Variants in TDP1 observed in about 807,000 individuals in gnomAD.
The protein encoded by TDP1 is tyrosyl-DNA phosphodiesterase 1.
Under a neutral mutation model 81.5 loss-of-function variants are expected in TDP1, and 64 were observed. The observed-to-expected ratio is 0.79, with a 90% CI of 0.64 to 0.97. The LOEUF is 0.97. TDP1 is among the 50% of genes least tolerant of loss of function. The pLI, the probability that TDP1 is intolerant of heterozygous loss-of-function variation, is 0.00. For missense variants in TDP1, 723 were observed against 743.8 expected, an observed-to-expected ratio of 0.97 and a Z score of 0.33; for synonymous variants, 256 against 264.3, an observed-to-expected ratio of 0.97 and a Z score of 0.30.
chr14:90,033,810 T>A (rs1042327074), intron 16 of TDP1, among the ~76,000 whole-genome samples: 2 of 152,178 alleles, frequency 1.3e-5, no homozygotes, highest in Non-Finnish European at 2.9e-5. Context: ...ACACCTGTAA[T>A]CCCAGCACCC....
chr14:90,042,122 G>A (rs1298513018), intron 16 of TDP1, among the ~76,000 whole-genome samples: 1 of 152,092 alleles, frequency 6.6e-6, no homozygotes, highest in Admixed American at 6.5e-5. Flanking sequence ...TTCAGCATTG[G>A]TCTACAGTTA....
chr14:89,980,099 A>G (rs1208085755), intron 7 of TDP1: 4 of 931,992 alleles, frequency 4.3e-6, no homozygotes, highest in Admixed American at 6.2e-5. Flanking sequence ...TTCATGAACC[A>G]GTAATTAAAT....
intron 14 of TDP1, among the ~76,000 whole-genome samples, chr14:90,007,652 G>A (rs901889802): frequency 6.6e-6 from 1 of 152,040 alleles, no homozygotes; most frequent in African/African-American, 2.4e-5. Flanking sequence ...TTAAGGCAGA[G>A]TTTTGCTCTG....
intron 5 of TDP1, among the ~76,000 whole-genome samples, chr14:89,968,685 G>A (rs888229824): frequency 6.6e-6 from 1 of 152,200 alleles, no homozygotes; most frequent in East Asian, 1.9e-4. Flanking sequence ...TTTCTGCCTT[G>A]GCTCCTCCTC....
rs569571697 is a variant in TDP1, at chr14:90,026,534, A to G, written c.1645-6572A>G. On this transcript the variant is annotated intron_variant, in intron 15 of 16. Coordinates refer to ENST00000335725, the MANE Select transcript of TDP1 (RefSeq NM_018319.4). Reference sequence around the variant, plus strand: ...GTGCAGGTTTGTTACATATGTATACATGTGCCATGTTGGTGTGCTGCACCC... The same window carrying G: ...GTGCAGGTTTGTTACATATGTATACGTGTGCCATGTTGGTGTGCTGCACCC... Among the ~76,000 whole-genome samples the G allele has an allele frequency of 5.9e-5, 9 of 152,338 alleles. No individual in the cohort carries two copies. The East Asian group carries it at 1.4e-3, about 23-fold the overall frequency.
intron 6 of TDP1, among the ~76,000 whole-genome samples, chr14:89,972,277 G>A (rs1018695764): frequency 2.8e-5 from 3 of 108,062 alleles, no homozygotes; most frequent in African/African-American, 9.7e-5. Flanking sequence ...TTACTTGGCC[G>A]GAGCAAGAGG....
At chr14:90,006,639 C>T (rs1027693136) in intron 14 of TDP1, among the ~76,000 whole-genome samples, 9 of 151,958 alleles carry the variant, frequency 5.9e-5, no homozygotes, top group African/African-American at 9.7e-5. Flanking sequence ...TGGGTTCAAG[C>T]GATTCTCCTG....
At chr14:90,002,641 G>A (rs982635237) in intron 14 of TDP1, among the ~76,000 whole-genome samples, 2 of 150,986 alleles carry the variant, frequency 1.3e-5, no homozygotes, top group African/African-American at 2.4e-5. Flanking sequence ...AGGCCAAGGC[G>A]ATCGGATCAC....
rs529132564 is a variant in TDP1, at chr14:90,018,344, AAAAG to A, written c.1542-970_1542-967del. Among the ~76,000 whole-genome samples, 29 of 152,316 alleles carry A rather than the reference AAAAG, an allele frequency of 1.9e-4. No homozygotes were observed. The South Asian group carries it at 5.6e-3, about 29-fold the overall frequency. ...TTAGTCTCTGCCACATTCGCTTATAAAAAGAGTCTCTGAAGACGCCTCAGAGCTT... is the reference window on the plus strand; with the variant it reads ...TTAGTCTCTGCCACATTCGCTTATAAAGTCTCTGAAGACGCCTCAGAGCTT... On this transcript the variant is annotated intron_variant, in intron 14 of 16. Coordinates refer to ENST00000335725, the MANE Select transcript of TDP1 (RefSeq NM_018319.4).
chr14:90,040,284 AAGAC>A (rs2140352526), intron 16 of TDP1, among the ~76,000 whole-genome samples: 1 of 152,282 alleles, frequency 6.6e-6, no homozygotes, highest in East Asian at 1.9e-4. Context: ...GTCCAGAAAA[AAGAC>A]AGCTTCCCAT....
chr14:90,000,719 C>T (rs969731447), intron 14 of TDP1, among the ~76,000 whole-genome samples: 1 of 152,202 alleles, frequency 6.6e-6, no homozygotes, highest in Non-Finnish European at 1.5e-5. Flanking sequence ...ATTTACCCAT[C>T]TTATTCTCCA....
chr14:90,040,655 CA>C (rs1457434452), intron 16 of TDP1, among the ~76,000 whole-genome samples: 1 of 152,260 alleles, frequency 6.6e-6, no homozygotes, highest in Non-Finnish European at 1.5e-5. Flanking sequence ...TAAATACGTG[CA>C]TGAATTATTA....
intron 14 of TDP1, 108 bp downstream of exon 14, chr14:89,993,591 G>A: frequency 6.6e-7 from 1 of 1,514,280 alleles, no homozygotes; most frequent in East Asian, 2.4e-5. Context: ...GTTGTCATTA[G>A]TTTTCAGTAT....
At chr14:90,032,886 T>G (rs1318357046) in intron 15 of TDP1, 1 of 981,560 alleles carries the variant, frequency 1.0e-6, no homozygotes, top group African/African-American at 1.8e-5. Context: ...TTGCTATAAC[T>G]TAATTCCTGA....
Position 89,988,989 on chromosome 14 carries a change from G to A in TDP1, c.1216G>A (p.Ala406Thr). 1 of 1,614,204 alleles carries A rather than the reference G, an allele frequency of 6.2e-7. No individual in the cohort carries two copies. The change falls in exon 11 of 17, where the codon GCC becomes ACC. Residue 406 changes from alanine to threonine, a missense_variant. Physicochemically the swap from Ala to Thr is moderately conservative, Grantham distance 58. Coordinates refer to ENST00000335725, the MANE Select transcript of TDP1 (RefSeq NM_018319.4). Reference sequence around the variant, plus strand: ...GTTTTCAAGCGTTGGCTCCTTGGGAGCCGATGAATCAAAGTGGTTATGTTC... The same window carrying A: ...GTTTTCAAGCGTTGGCTCCTTGGGAACCGATGAATCAAAGTGGTTATGTTC... ...GQFSSVGSLG[A>T]DESKWLCSEF...
chr14:90,030,594 A>G (rs546291355), intron 15 of TDP1, among the ~76,000 whole-genome samples: 3 of 152,098 alleles, frequency 2.0e-5, no homozygotes, highest in South Asian at 2.1e-4. Flanking sequence ...AAACACTTTC[A>G]CACAGGTTGT....
At chr14:89,973,459 A>G (rs967147186) in intron 6 of TDP1, among the ~76,000 whole-genome samples, 2 of 152,204 alleles carry the variant, frequency 1.3e-5, no homozygotes, top group African/African-American at 4.8e-5. Context: ...ACCTCTTGGA[A>G]AGAGCTGTGA....
rs553821120 is a variant in TDP1 at position 90,016,380 on chromosome 14, T to C, written c.1542-2936T>C. On this transcript the variant is annotated intron_variant, in intron 14 of 16. Transcript: ENST00000335725. The stretch of plus-strand genomic sequence containing the variant: ...ATTTTTATAACTCATGCGTTGTCAC[T>C]GTGTCCAGCAGAAGCTGGACCTCAC... Among the ~76,000 whole-genome samples, 129 of 152,264 alleles carry C rather than the reference T, an allele frequency of 8.5e-4. 1 individual carries two copies. The highest frequency in any genetic ancestry group is 3.7e-4 in the Non-Finnish European group (25 of 68,012).
At chr14:89,998,613 C>T (rs1896930065) in intron 14 of TDP1, among the ~76,000 whole-genome samples, 1 of 151,278 alleles carries the variant, frequency 6.6e-6, no homozygotes, top group Non-Finnish European at 1.5e-5. Flanking sequence ...GGTGTGAGTG[C>T]TCGGGTTGGG....
Sources: allele counts gnomAD v4.1 joint callset (sites outside exome capture counted in the v4.1 genomes callset), GRCh38; gene constraint gnomAD v4.1.1; transcripts MANE v1.5; gene names NCBI Gene and HGNC (gene_info 2026-07-23, HGNC 2026-07-21).